Variants in ESRRG observed in about 807,000 individuals in gnomAD.
ESRRG encodes estrogen related receptor gamma.
In ESRRG, 13 loss-of-function variants were observed where a neutral mutation model predicts 44.0. That is an observed-to-expected ratio of 0.30 (90% CI 0.19 to 0.47). The LOEUF is 0.47. Among genes scored for constraint, ESRRG ranks in the 20% least tolerant of loss-of-function variants. ESRRG has a pLI of 1.00. For missense variants in ESRRG, 395 were observed against 580.6 expected (o/e 0.68, Z 3.29); for synonymous variants, 215 against 214.6 (o/e 1.00, Z -0.02).
chr1:216,656,177 A>G (rs920670615), intron 2 of ESRRG, among the ~76,000 whole-genome samples: 14 of 152,092 alleles, frequency 9.2e-5, no homozygotes, highest in Admixed American at 2.6e-4. Flanking sequence ...ACAGCATAGG[A>G]TTTTCATTTC....
intron 1 of ESRRG, among the ~76,000 whole-genome samples, chr1:216,722,386 C>T (rs976913827): frequency 2.6e-5 from 4 of 151,976 alleles, no homozygotes; most frequent in African/African-American, 9.7e-5. Context: ...AAATGCCTAA[C>T]TTACTTCTCG....
intron 5 of ESRRG, among the ~76,000 whole-genome samples, chr1:216,523,847 A>C (rs1271049493): frequency 1.0e-5 from 1 of 96,428 alleles, no homozygotes; most frequent in Non-Finnish European, 1.8e-5. Flanking sequence ...TCTGTTCCAC[A>C]AAAAAAAAAA....
At chr1:217,036,171 G>A (rs113454929) in intron 1 of ESRRG, among the ~76,000 whole-genome samples, 10,310 of 152,212 alleles carry the variant, frequency 0.068, 492 homozygotes, top group Non-Finnish European at 0.093. Flanking sequence ...ACAGATGCTA[G>A]TGAGGCTGTG....
chr1:216,895,767 A>C (rs2058346584), intron 2 of ESRRG, among the ~76,000 whole-genome samples: 1 of 152,162 alleles, frequency 6.6e-6, no homozygotes, highest in Non-Finnish European at 1.5e-5. Context: ...AAAGGGACCC[A>C]AAAAGAGCTC....
chr1:217,135,464 G>A (rs2093035754), intron 1 of ESRRG, among the ~76,000 whole-genome samples: 1 of 152,104 alleles, frequency 6.6e-6, no homozygotes, highest in South Asian at 2.1e-4. Context: ...ACAAGAGAAA[G>A]CGTGTGGAGC....
At chr1:216,708,171 T>C (rs1559340777) in intron 1 of ESRRG, among the ~76,000 whole-genome samples, 1 of 151,780 alleles carries the variant, frequency 6.6e-6, no homozygotes, top group Non-Finnish European at 1.5e-5. Flanking sequence ...ATATTACTTC[T>C]AAAATAAAAT....
intron 2 of ESRRG, among the ~76,000 whole-genome samples, chr1:216,889,653 T>A (rs1391558950): frequency 1.3e-5 from 2 of 152,194 alleles, no homozygotes; most frequent in African/African-American, 4.8e-5. Flanking sequence ...CTTTTAGCAA[T>A]TTCCACAAAA....
chr1:216,896,193 T>C (rs1423508502), intron 2 of ESRRG, among the ~76,000 whole-genome samples: 1 of 152,172 alleles, frequency 6.6e-6, no homozygotes, highest in East Asian at 1.9e-4. Context: ...TAAGGGTCAT[T>C]GCTATTAATT....
chr1:216,575,473 A>G (rs1003611162), intron 3 of ESRRG, among the ~76,000 whole-genome samples: 3 of 152,128 alleles, frequency 2.0e-5, no homozygotes, highest in Middle Eastern at 3.2e-3. Flanking sequence ...ATCTTGGGAT[A>G]AAACAAAATA....
chr1:217,026,221 C>T (rs2081154987), intron 1 of ESRRG, among the ~76,000 whole-genome samples: 1 of 152,216 alleles, frequency 6.6e-6, no homozygotes, highest in Non-Finnish European at 1.5e-5. Flanking sequence ...GGCCACAGCT[C>T]TACCTGCTGA....
At chr1:216,587,477 AC>A (rs1470358811) in intron 3 of ESRRG, among the ~76,000 whole-genome samples, 1 of 152,188 alleles carries the variant, frequency 6.6e-6, no homozygotes, top group Non-Finnish European at 1.5e-5. Flanking sequence ...GCTTATGAGG[AC>A]AAATTTATGG....
At chr1:217,054,829 C>T (rs922436994) in intron 1 of ESRRG, among the ~76,000 whole-genome samples, 3 of 151,974 alleles carry the variant, frequency 2.0e-5, no homozygotes, top group Non-Finnish European at 2.9e-5. Flanking sequence ...AAGGAAGCTA[C>T]GGTCATTGAT....
intron 1 of ESRRG, among the ~76,000 whole-genome samples, chr1:216,951,463 T>C (rs1021890857): frequency 9.2e-5 from 14 of 152,152 alleles, no homozygotes; most frequent in African/African-American, 3.1e-4. Context: ...TCAAAAACTT[T>C]CATACTTTTT....
At chr1:216,981,006 T>C (rs2073876636) in intron 1 of ESRRG, among the ~76,000 whole-genome samples, 1 of 152,164 alleles carries the variant, frequency 6.6e-6, no homozygotes, top group African/African-American at 2.4e-5. Flanking sequence ...ATTTGCATCC[T>C]TTTCTGACTG....
At chr1:216,952,004 C>T (rs188018827) in intron 1 of ESRRG, among the ~76,000 whole-genome samples, 160 of 152,042 alleles carry the variant, frequency 1.1e-3, no homozygotes, top group Non-Finnish European at 2.0e-3. Context: ...CCACTTCTTA[C>T]CATAAATACA....
At chr1:216,880,001 T>A (rs1407008765) in intron 2 of ESRRG, among the ~76,000 whole-genome samples, 1 of 152,026 alleles carries the variant, frequency 6.6e-6, no homozygotes, top group East Asian at 1.9e-4. Context: ...TAAATAAAAG[T>A]AAACTACTTT....
At chr1:216,520,224 C>T (rs2045671596) in intron 5 of ESRRG, among the ~76,000 whole-genome samples, 1 of 152,078 alleles carries the variant, frequency 6.6e-6, no homozygotes, top group African/African-American at 2.4e-5. Context: ...GCTCTTTCAC[C>T]TTGAGCAAGA....
intron 2 of ESRRG, among the ~76,000 whole-genome samples, chr1:216,753,852 G>A (rs2092265988): frequency 6.6e-6 from 1 of 151,974 alleles, no homozygotes; most frequent in African/African-American, 2.4e-5. Context: ...GGAGTCGTAA[G>A]AAGGACCGGG....
chr1:216,529,973 A>G (rs1049020056), intron 5 of ESRRG, among the ~76,000 whole-genome samples: 43 of 151,986 alleles, frequency 2.8e-4, no homozygotes, highest in African/African-American at 9.6e-4. Context: ...TTAGCTGGGC[A>G]TAGTGGCATG....
Sources: allele counts gnomAD v4.1 joint callset (sites outside exome capture counted in the v4.1 genomes callset), GRCh38; gene constraint gnomAD v4.1.1; transcripts MANE v1.5; gene names NCBI Gene and HGNC (gene_info 2026-07-23, HGNC 2026-07-21).